CASD1: variants seen among roughly 807,000 people sequenced by gnomAD.
The protein encoded by CASD1 is CAS1 domain sialic acid O acetyltransferase 1.
In CASD1, 41 loss-of-function variants were observed where a neutral mutation model predicts 100.0. The ratio of observed to expected loss-of-function variants is 0.41; its 90% confidence interval spans 0.32 to 0.53. The LOEUF is 0.53. Among genes scored for constraint, CASD1 ranks in the 20% least tolerant of loss-of-function variants. CASD1 has a pLI of 0.25. For synonymous variants in CASD1, 321 were observed against 315.6 expected, an observed-to-expected ratio of 1.02 and a Z score of -0.18; for missense variants, 774 against 948.7, an observed-to-expected ratio of 0.82 and a Z score of 2.42.
At chr7:94,587,222 C>G in the CASD1 span, 2 of 985,496 alleles carry the variant, frequency 2.0e-6, no homozygotes, top group Non-Finnish European at 2.4e-6. Flanking sequence ...TAAAATGTAG[C>G]AAGTTAACAA....
Position 94,517,608 on chromosome 7 carries a change from A to G in CASD1, c.182A>G (p.Glu61Gly), listed in dbSNP as rs1365298561. The G allele has an allele frequency of 6.2e-7, 1 of 1,612,994 alleles. No individual in the cohort carries two copies. The highest frequency in any genetic ancestry group is 8.5e-7 in the Non-Finnish European group (1 of 1,179,394). ...CTCTCAAGTGGCAGATTTCTTGGAGAGAAAGTTTGGCAACCTCACAGTTGT... is the reference window on the plus strand; with the variant it reads ...CTCTCAAGTGGCAGATTTCTTGGAGGGAAAGTTTGGCAACCTCACAGTTGT... ...YLLSSGRFLGEKVWQPHSCMM... is the reference protein window; with the variant it reads ...YLLSSGRFLGGKVWQPHSCMM... The change falls in exon 2 of 18, where the codon GAG (glutamate) becomes GGG (glycine). Residue 61 changes from glutamate to glycine, a missense_variant. Glu to Gly is a moderately conservative substitution (Grantham distance 98). Around this residue, in one of 5 missense-constraint regions of CASD1, gnomAD observed 61 missense variants for 115.9 expected, o/e 0.53. Coordinates refer to ENST00000297273, the MANE Select transcript of CASD1 (RefSeq NM_022900.5).
At chr7:94,587,485 C>T in the CASD1 span, 5 of 1,265,542 alleles carry the variant, frequency 4.0e-6, no homozygotes, top group Non-Finnish European at 4.9e-6. Flanking sequence ...TCTATCATTT[C>T]TATCGTAGAA....
the CASD1 span, chr7:94,588,604 G>T: frequency 6.4e-7 from 1 of 1,554,526 alleles, no homozygotes; most frequent in South Asian, 1.1e-5. Flanking sequence ...TGAAGATAAA[G>T]CTTCATAAAT....
chr7:94,607,011 AAG>A, the CASD1 span, among the ~76,000 whole-genome samples: 1 of 152,140 alleles, frequency 6.6e-6, no homozygotes, highest in Non-Finnish European at 1.5e-5. Flanking sequence ...ATTAGAAAAG[AAG>A]AGAGATCTAA....
the CASD1 span, among the ~76,000 whole-genome samples, chr7:94,571,282 A>G: frequency 1.8e-4 from 28 of 152,096 alleles, no homozygotes; most frequent in Admixed American, 7.8e-4. Context: ...GGCTCAAGCA[A>G]TCCTCCTGCT....
chr7:94,598,382 C>T, the CASD1 span: 1 of 218,768 alleles, frequency 4.6e-6, no homozygotes, highest in Non-Finnish European at 9.2e-6. Flanking sequence ...TTACAAAGGT[C>T]TATGGTAATA....
the CASD1 span, among the ~76,000 whole-genome samples, chr7:94,606,168 T>C: frequency 6.6e-6 from 1 of 152,104 alleles, no homozygotes; most frequent in Non-Finnish European, 1.5e-5. Flanking sequence ...AAATACCCCA[T>C]TGAAAAGACA....
At chr7:94,606,608 TATC>T in the CASD1 span, among the ~76,000 whole-genome samples, 1 of 152,178 alleles carries the variant, frequency 6.6e-6, no homozygotes, top group African/African-American at 2.4e-5. Flanking sequence ...TGAAACTCAG[TATC>T]ATCATCAGTC....
the CASD1 span, among the ~76,000 whole-genome samples, chr7:94,622,787 T>C: frequency 1.3e-5 from 2 of 152,184 alleles, no homozygotes; most frequent in Non-Finnish European, 2.9e-5. Flanking sequence ...AACTTTAAAT[T>C]GCTGAAAGAC....
At chr7:94,511,337 C>T (rs925191594) in intron 1 of CASD1, among the ~76,000 whole-genome samples, 6 of 152,154 alleles carry the variant, frequency 3.9e-5, no homozygotes, top group Non-Finnish European at 7.4e-5. Flanking sequence ...TTGGAGTCTG[C>T]GCTGTATTCT....
intron 3 of CASD1, among the ~76,000 whole-genome samples, chr7:94,526,450 A>G (rs984263590): frequency 2.2e-4 from 34 of 152,202 alleles, no homozygotes; most frequent in African/African-American, 7.0e-4. Context: ...CCTAACTGAA[A>G]GGGCCTCAGA....
chr7:94,541,249 T>G (rs1490561897), intron 10 of CASD1, among the ~76,000 whole-genome samples: 1 of 152,000 alleles, frequency 6.6e-6, no homozygotes, highest in African/African-American at 2.4e-5. Flanking sequence ...ATTTGAGGGA[T>G]TACTCGTACT....
chr7:94,549,004 T>A (rs1391517197), intron 13 of CASD1, among the ~76,000 whole-genome samples: 1 of 152,000 alleles, frequency 6.6e-6, no homozygotes, highest in African/African-American at 2.4e-5. Context: ...TTGAGTAAGG[T>A]GACTAATTCA....
Position 94,510,189 on chromosome 7 carries a change from G to C in CASD1, c.105G>C (p.Ala35=), listed in dbSNP as rs1020897395. 2 of 1,500,456 alleles carry C rather than the reference G, an allele frequency of 1.3e-6. No individual in the cohort carries two copies. Among genetic ancestry groups the C allele is most frequent in the Admixed American group, 4.2e-5 (2 of 47,070 alleles). The allele number at this position is 1,500,456 out of a possible 1,614,324, so 92.9% of individuals were successfully genotyped here. A position where few individuals can be genotyped will look rare whatever the true frequency, so the allele number is the denominator to read the frequency against. The change falls in exon 1 of 18, where the codon GCG becomes GCC. Residue 35 remains alanine (A), a synonymous_variant. Transcript: ENST00000297273. ...LALVAVLLLA[A]CHLASRRYRG... ...TGGTGGCCGTGCTGCTGCTCGCAGC[G>C]TGCCACCTCGCCTCCCGCCGCTACC...
the CASD1 span, chr7:94,618,677 A>G: frequency 8.5e-7 from 1 of 1,172,268 alleles, no homozygotes; most frequent in Middle Eastern, 2.0e-4. Flanking sequence ...GCAATAGGCC[A>G]TCTTCCATCT....
chr7:94,547,894 G>T (rs1288240479), intron 13 of CASD1, among the ~76,000 whole-genome samples: 3 of 151,598 alleles, frequency 2.0e-5, no homozygotes, highest in Non-Finnish European at 1.5e-5. Context: ...GTGGAAGGAA[G>T]TGCCCTATAG....
At chr7:94,630,126 C>T in the CASD1 span, among the ~76,000 whole-genome samples, 1 of 151,888 alleles carries the variant, frequency 6.6e-6, no homozygotes, top group Non-Finnish European at 1.5e-5. Context: ...AATAATGAAG[C>T]TATCCATAAT....
At chr7:94,560,404 G>A (rs376470200), downstream of CASD1, among the ~76,000 whole-genome samples, 1 of 152,158 alleles carries the variant, frequency 6.6e-6, no homozygotes, top group East Asian at 1.9e-4. Flanking sequence ...TTTAGTTGAA[G>A]TCTGAGGAAT....
chr7:94,574,005 A>C, the CASD1 span, among the ~76,000 whole-genome samples: 4 of 151,950 alleles, frequency 2.6e-5, no homozygotes, highest in Non-Finnish European at 5.9e-5. Flanking sequence ...TTTTGTCTGT[A>C]CTTTTGTTTA....
Sources: gnomAD v4.1 joint callset for allele counts (sites outside exome capture counted in the v4.1 genomes callset) on GRCh38, gnomAD v4.1.1 for gene constraint, gnomAD v4.1.1 regional missense constraint, MANE v1.5 for transcripts, NCBI Gene and HGNC (gene_info 2026-07-23, HGNC 2026-07-21) for gene names.